ANO4: variants seen among roughly 807,000 people sequenced by gnomAD.
The protein encoded by ANO4 is anoctamin 4, also known as anoctamin-4.
ANO4 carries 69 observed loss-of-function variants against 141.9 expected under a neutral mutation model. The observed-to-expected ratio is 0.49, with a 90% CI of 0.40 to 0.59. The LOEUF (loss-of-function observed/expected upper bound fraction) is 0.59. Ranked by LOEUF, ANO4 falls within the 20% of genes least tolerant of loss-of-function variation. ANO4 has a pLI of 0.00. For missense variants in ANO4, 894 were observed against 1,162.2 expected (o/e 0.77, Z 3.36); for synonymous variants, 350 against 394.3 (o/e 0.89, Z 1.33).
chr12:100,938,812 T>C (rs1355456161), intron 3 of ANO4, among the ~76,000 whole-genome samples: 8 of 152,328 alleles, frequency 5.3e-5, no homozygotes, highest in Non-Finnish European at 2.9e-5. Flanking sequence ...CATTAGGTTT[T>C]CTCTGTTCTG....
chr12:100,989,166 A>T (rs1223602910), intron 8 of ANO4, among the ~76,000 whole-genome samples: 1 of 152,184 alleles, frequency 6.6e-6, no homozygotes, highest in East Asian at 1.9e-4. Flanking sequence ...GCAGTATGTG[A>T]ACATTTGAAA....
rs1208647110 is a variant in ANO4 at position 100,879,254 on chromosome 12, C to T, written c.-140-22392C>T. ...AATATTAGGTGTATTATTATGCACT[C>T]AATTTAGCTTTTTTATTTTATATAA... On this transcript the variant is annotated intron_variant, in intron 1 of 27. Transcript: ENST00000392977. Among the ~76,000 whole-genome samples the T allele has an allele frequency of 3.9e-5, 6 of 152,214 alleles. No individual in the cohort carries two copies. In the East Asian group the frequency reaches 9.6e-4, roughly 24 times the overall value.
At chr12:101,044,739 G>A (rs1035275882) in intron 13 of ANO4, among the ~76,000 whole-genome samples, 3 of 152,196 alleles carry the variant, frequency 2.0e-5, no homozygotes, top group African/African-American at 4.8e-5. Flanking sequence ...GCAGTGAGCA[G>A]TGGTTTTAGA....
intron 8 of ANO4, among the ~76,000 whole-genome samples, chr12:101,001,132 T>A (rs996827509): frequency 6.6e-6 from 1 of 152,180 alleles, no homozygotes; most frequent in African/African-American, 2.4e-5. Context: ...ATTTTCCTCA[T>A]CAGAATGGTA....
At chr12:100,983,347 T>C (rs2044568782) in intron 7 of ANO4, among the ~76,000 whole-genome samples, 1 of 152,204 alleles carries the variant, frequency 6.6e-6, no homozygotes, top group Non-Finnish European at 1.5e-5. Context: ...TTGCGACGAA[T>C]TTAACAGCAT....
chr12:100,856,135 G>C (rs2038157651), intron 1 of ANO4, among the ~76,000 whole-genome samples: 1 of 152,080 alleles, frequency 6.6e-6, no homozygotes, highest in Non-Finnish European at 1.5e-5. Flanking sequence ...GGTGTGGCTG[G>C]AACAATGGGT....
intron 17 of ANO4, among the ~76,000 whole-genome samples, chr12:101,091,003 T>A (rs1160651344): frequency 6.6e-6 from 1 of 152,182 alleles, no homozygotes; most frequent in African/African-American, 2.4e-5. Context: ...TGCTGGGAGC[T>A]AGGCTGCTAG....
chr12:100,966,872 T>TAC (rs1165381190), intron 5 of ANO4, among the ~76,000 whole-genome samples: 9 of 116,230 alleles, frequency 7.7e-5, no homozygotes, highest in African/African-American at 1.3e-4. Context: ...TATATATATA[T>TAC]ACACACACAC....
At chr12:101,068,172 A>T in intron 14 of ANO4, 1 of 1,051,522 alleles carries the variant, frequency 9.5e-7, no homozygotes, top group Non-Finnish European at 1.3e-6. Context: ...ACTTTTAAAT[A>T]GCCCCATAGG....
At chr12:100,964,993 A>G (rs928513155) in intron 5 of ANO4, among the ~76,000 whole-genome samples, 6 of 152,202 alleles carry the variant, frequency 3.9e-5, no homozygotes, top group African/African-American at 1.4e-4. Flanking sequence ...CTGTATTCCC[A>G]GCACCTAGGA....
At chr12:100,785,803 G>T (rs7311056) in intron 3 of ANO4, among the ~76,000 whole-genome samples, 1,847 of 152,300 alleles carry the variant, frequency 0.012, 46 homozygotes, top group African/African-American at 0.042. Flanking sequence ...AGTATGTTTA[G>T]TTTTGTAAGA....
At chr12:101,084,905 A>G (rs781230969) in intron 16 of ANO4, among the ~76,000 whole-genome samples, 23 of 152,142 alleles carry the variant, frequency 1.5e-4, no homozygotes, top group Non-Finnish European at 2.9e-4. Flanking sequence ...TAGGGCTCTA[A>G]TCTCTCTTCT....
chr12:101,054,081 A>C (rs1244292928), intron 14 of ANO4, among the ~76,000 whole-genome samples: 2 of 152,230 alleles, frequency 1.3e-5, no homozygotes, highest in Non-Finnish European at 2.9e-5. Flanking sequence ...CAGAATAAAA[A>C]CCACACGTGT....
chr12:100,765,549 T>C (rs1181523308), intron 3 of ANO4, among the ~76,000 whole-genome samples: 3 of 151,812 alleles, frequency 2.0e-5, no homozygotes, highest in African/African-American at 7.3e-5. Context: ...TGGCTAATAT[T>C]TTTAATTTTG....
intron 14 of ANO4, among the ~76,000 whole-genome samples, chr12:101,063,743 A>ATCTTTTTTT (rs2048446869): frequency 8.3e-5 from 1 of 12,092 alleles, no homozygotes; most frequent in Non-Finnish European, 1.6e-4. Context: ...TGTCCAGGTT[A>ATCTTTTTTT]TCTTTTTTTT....
intron 14 of ANO4, among the ~76,000 whole-genome samples, chr12:101,060,783 A>G (rs2048314258): frequency 6.6e-6 from 1 of 151,798 alleles, no homozygotes; most frequent in South Asian, 2.1e-4. Flanking sequence ...TTGCATGGAG[A>G]TGGATCTCCT....
chr12:100,997,083 C>T (rs2045413307), intron 8 of ANO4, among the ~76,000 whole-genome samples: 1 of 152,104 alleles, frequency 6.6e-6, no homozygotes, highest in African/African-American at 2.4e-5. Context: ...CGCCTGTAAT[C>T]CCAGCACTTT....
intron 1 of ANO4, among the ~76,000 whole-genome samples, chr12:100,724,773 G>A (rs1030019823): frequency 2.8e-4 from 43 of 152,306 alleles, no homozygotes; most frequent in African/African-American, 9.9e-4. Flanking sequence ...GGGAGGTTAG[G>A]TGAGGAGATA....
At chr12:101,014,876 C>A (rs985741822) in intron 8 of ANO4, among the ~76,000 whole-genome samples, 1 of 152,090 alleles carries the variant, frequency 6.6e-6, no homozygotes, top group East Asian at 1.9e-4. Flanking sequence ...ACTCTATCAC[C>A]CAGACTGGAG....
Sources: gnomAD v4.1 joint callset for allele counts (sites outside exome capture counted in the v4.1 genomes callset) on GRCh38, gnomAD v4.1.1 for gene constraint, MANE v1.5 for transcripts, NCBI Gene and HGNC (gene_info 2026-07-23, HGNC 2026-07-21) for gene names.